The following TAS1R3 variants were observed in gnomAD, a reference collection of about 807,000 sequenced individuals.
TAS1R3 encodes taste 1 receptor member 3, also known as taste receptor type 1 member 3.
TAS1R3 carries 58 observed loss-of-function variants against 46.1 expected under a neutral mutation model. That is an observed-to-expected ratio of 1.26 (90% CI 1.02 to 1.57). The LOEUF is 1.57. Ranked by LOEUF, TAS1R3 falls within the 40% of genes most tolerant of loss-of-function variation. The pLI is 0.00. For synonymous variants in TAS1R3, 724 were observed against 544.7 expected, an observed-to-expected ratio of 1.33 and a Z score of -4.58; for missense variants, 1,422 against 1,185.8, an observed-to-expected ratio of 1.20 and a Z score of -2.93.
chr1:1,334,616 C>G lies in TAS1R3; in HGVS notation c.*152C>G. 1 of 873,500 alleles carries G rather than the reference C, an allele frequency of 1.1e-6. No homozygotes were observed. Among genetic ancestry groups the G allele is most frequent in the Non-Finnish European group, 1.7e-6 (1 of 588,654 alleles). 54.1% of individuals were successfully genotyped at this position (873,500 alleles called of 1,614,324 possible). A position where few individuals can be genotyped will look rare whatever the true frequency, so the allele number is the denominator to read the frequency against. ...CCCTGACCCCACAGTGAGCCCTAGG[C>G]CTGGAGCACGTGGACACCCCTGTGA... On this transcript the variant is annotated 3_prime_UTR_variant, in exon 6 of 6. Coordinates refer to ENST00000339381, the MANE Select transcript of TAS1R3 (RefSeq NM_152228.3).
Position 1,334,294 on chromosome 1 carries a change from G to A in TAS1R3, c.2389G>A (p.Ala797Thr), listed in dbSNP as rs147583678. 9.3e-6 allele frequency: 15 copies of A among 1,611,746 alleles called. No homozygotes were observed. The African/African-American group carries it at 1.1e-4, about 11-fold the overall frequency. The stretch of plus-strand genomic sequence containing the variant: ...CCTCAGGCCCGCCGTGCAGATGGGC[G>A]CCCTCCTGCTCTGTGTCCTGGGCAT... ...VVLRPAVQMG[A>T]LLLCVLGILA... Residue 797 changes from alanine to threonine, a missense_variant, in exon 6 of 6, where the codon GCC (alanine) becomes ACC (threonine). Coordinates refer to ENST00000339381, the MANE Select transcript of TAS1R3 (RefSeq NM_152228.3).
In TAS1R3 at chr1:1,334,634, C is replaced by A; in HGVS notation, c.*170C>A. On this transcript the variant is annotated 3_prime_UTR_variant, in exon 6 of 6. Transcript: ENST00000339381. ...CCCTAGGCCTGGAGCACGTGGACACCCCTGTGACCATCTGGGCCCCAGAGC... is the reference window on the plus strand; with the variant it reads ...CCCTAGGCCTGGAGCACGTGGACACACCTGTGACCATCTGGGCCCCAGAGC... 1.4e-6 allele frequency: 1 copy of A among 729,514 alleles called. No individual in the cohort carries two copies. The highest frequency in any genetic ancestry group is 2.2e-6 in the Non-Finnish European group (1 of 460,420). The allele number at this position is 729,514 out of a possible 1,614,324, so 45.2% of individuals were successfully genotyped here. A position where few individuals can be genotyped will look rare whatever the true frequency, so the allele number is the denominator to read the frequency against.
chr1:1,334,491 G>A lies in TAS1R3; in HGVS notation c.*27G>A. 8.1e-6 allele frequency: 12 copies of A among 1,488,156 alleles called. No individual in the cohort carries two copies. Among genetic ancestry groups the A allele is most frequent in the Non-Finnish European group, 1.1e-5 (12 of 1,118,586 alleles). 92.2% of individuals were successfully genotyped at this position (1,488,156 alleles called of 1,614,324 possible). A position where few individuals can be genotyped will look rare whatever the true frequency, so the allele number is the denominator to read the frequency against. ...CCAACCCTGTGATCTCAGCCCCGGT[G>A]AACCCAGACTTAGCTGCGATCCCCC... On this transcript the variant is annotated 3_prime_UTR_variant, in exon 6 of 6. Transcript: ENST00000339381.
Position 1,333,036 on chromosome 1 carries a change from C to T in TAS1R3, c.1391C>T (p.Ser464Leu), listed in dbSNP as rs758513155. The T allele has an allele frequency of 1.2e-6, 2 of 1,612,618 alleles. No homozygotes were observed. The highest frequency in any genetic ancestry group is 1.3e-5 in the African/African-American group (1 of 74,924). The change falls in exon 4 of 6, where the codon TCA (serine) becomes TTA (leucine). Residue 464 changes from serine to leucine, a missense_variant. Ser to Leu is a moderately radical substitution (Grantham distance 145). Transcript: ENST00000339381. The part of the protein sequence containing the change: ...YDLKLWVWQG[S>L]VPRLHDVGRF... ...CTGAAGCTGTGGGTGTGGCAGGGCTCAGTGCCCAGGCTCCACGACGTGGGC... is the reference window on the plus strand; with the variant it reads ...CTGAAGCTGTGGGTGTGGCAGGGCTTAGTGCCCAGGCTCCACGACGTGGGC...
chr1:1,333,576 C>T lies in TAS1R3; in HGVS notation c.1671C>T (p.Arg557=), dbSNP rs372739652. 10 of 1,606,708 alleles carry T rather than the reference C, an allele frequency of 6.2e-6. No individual in the cohort carries two copies. Among genetic ancestry groups the T allele is most frequent in the African/African-American group, 1.3e-5 (1 of 74,942 alleles). ...SPERSTRCFR[R]RSRFLAWGEP... ...AGCGAAGCACACGCTGCTTCCGCCGCAGGTCTCGGTTCCTGGCATGGGGCG... is the reference window on the plus strand; with the variant it reads ...AGCGAAGCACACGCTGCTTCCGCCGTAGGTCTCGGTTCCTGGCATGGGGCG... Residue 557 remains arginine, a synonymous_variant, in exon 6 of 6, where the codon CGC becomes CGT. Coordinates refer to ENST00000339381, the MANE Select transcript of TAS1R3 (RefSeq NM_152228.3).
At position 1,331,953 on chromosome 1, in the gene TAS1R3, C is replaced by T; in HGVS notation, c.492+15C>T. The T allele has an allele frequency of 1.3e-6, 2 of 1,589,404 alleles. No individual in the cohort carries two copies. The highest frequency in any genetic ancestry group is 1.1e-5 in the South Asian group (1 of 90,450). ...TCATGCCCCAGGTGGGCGCCCCCCA[C>T]CATCACCCACCCCCACCCAGCCCTG... On this transcript the variant is annotated intron_variant, in intron 2 of 5. Transcript: ENST00000339381.
In TAS1R3 at chr1:1,335,136, GCACGCCGCCAGGCCCA is replaced by G. The variant is rs1643528598; in HGVS notation, c.*676_*691del. 1 of 152,528 alleles carries G rather than the reference GCACGCCGCCAGGCCCA, an allele frequency of 6.6e-6. No individual in the cohort carries two copies. Among genetic ancestry groups the G allele is most frequent in the African/African-American group, 2.4e-5 (1 of 41,462 alleles). 9.4% of individuals were successfully genotyped at this position (152,528 alleles called of 1,614,324 possible). On this transcript the variant is annotated 3_prime_UTR_variant, in exon 6 of 6. Coordinates refer to ENST00000339381, the MANE Select transcript of TAS1R3 (RefSeq NM_152228.3). ...AACTGCCCACCAGGATCTGACGCCA[GCACGCCGCCAGGCCCA>G]CACAGGGTCTCCGGTCAGAGTCCCA...
chr1:1,333,995 C>T lies in TAS1R3; in HGVS notation c.2090C>T (p.Thr697Ile), dbSNP rs372490564. The change falls in exon 6 of 6, where the codon ACC (threonine) becomes ATC (isoleucine). Residue 697 changes from threonine to isoleucine, a missense_variant. Thr to Ile is a moderately conservative substitution (Grantham distance 89). Coordinates refer to ENST00000339381, the MANE Select transcript of TAS1R3 (RefSeq NM_152228.3). ...ATGCTGGTGGAGGTCGCACTGTGCA[C>T]CTGGTACCTGGTGGCCTTCCCGCCG... Reference protein sequence around the residue: ...LAMLVEVALCTWYLVAFPPEV... With the variant: ...LAMLVEVALCIWYLVAFPPEV... The T allele has an allele frequency of 1.3e-5, 20 of 1,599,954 alleles. No homozygotes were observed. In the African/African-American group the frequency reaches 2.3e-4, roughly 18 times the overall value.
Position 1,331,707 on chromosome 1 carries a change from G to A in TAS1R3, c.261G>A (p.Ser87=), listed in dbSNP as rs141206730. Residue 87 remains serine, a synonymous_variant, in exon 2 of 6, where the codon TCG becomes TCA. Transcript: ENST00000339381. ...KMAVEEINNK[S]DLLPGLRLGY... is the part of the protein sequence containing the mutation. ...CCGTGGAGGAGATCAACAACAAGTC[G>A]GATCTGCTGCCCGGGCTGCGCCTGG... 1.1e-5 allele frequency: 17 copies of A among 1,612,850 alleles called. No individual in the cohort carries two copies. The highest frequency in any genetic ancestry group is 4.5e-5 in the East Asian group (2 of 44,892).
rs113075977 is a variant in TAS1R3 at position 1,334,535 on chromosome 1, G to A, written c.*71G>A. The A allele has an allele frequency of 2.3e-4, 334 of 1,422,272 alleles. 3 individuals carry two copies. The African/African-American group carries it at 3.2e-3, about 13-fold the overall frequency. The allele number at this position is 1,422,272 out of a possible 1,614,324, so 88.1% of individuals were successfully genotyped here. Reference sequence around the variant, plus strand: ...ATCCCCCCCAAGCCAGCAATGACCCGTGTCTCGCTACAGAGACCCTCCCGC... The same window carrying A: ...ATCCCCCCCAAGCCAGCAATGACCCATGTCTCGCTACAGAGACCCTCCCGC... On this transcript the variant is annotated 3_prime_UTR_variant, in exon 6 of 6. Transcript: ENST00000339381.
Position 1,332,461 on chromosome 1 carries a change from G to C in TAS1R3, c.930G>C (p.Met310Ile), listed in dbSNP as rs563222467. The C allele has an allele frequency of 6.2e-7, 1 of 1,609,432 alleles. No individual in the cohort carries two copies. Among genetic ancestry groups the C allele is most frequent in the Non-Finnish European group, 8.5e-7 (1 of 1,179,620 alleles). Residue 310 changes from methionine (M) to isoleucine (I), a missense_variant, in exon 3 of 6, where the codon ATG becomes ATC. Met to Ile is a conservative substitution (Grantham distance 10). Transcript: ENST00000339381. ...CCTGGCTGACCTCTGACCTGGTCATGGGGCTGCCCGGCATGGCCCAGATGG... is the reference window on the plus strand; with the variant it reads ...CCTGGCTGACCTCTGACCTGGTCATCGGGCTGCCCGGCATGGCCCAGATGG... ...SEAWLTSDLV[M>I]GLPGMAQMGT...
chr1:1,334,421 G>C lies in TAS1R3; in HGVS notation c.2516G>C (p.Gly839Ala). 6.2e-7 allele frequency: 1 copy of C among 1,600,822 alleles called. No homozygotes were observed. The highest frequency in any genetic ancestry group is 8.5e-7 in the Non-Finnish European group (1 of 1,173,120). Residue 839 changes from glycine to alanine, a missense_variant, in exon 6 of 6, where the codon GGC becomes GCC. Transcript: ENST00000339381. ...FLGGGPGDAQGQNDGNTGNQG... is the reference protein window; with the variant it reads ...FLGGGPGDAQAQNDGNTGNQG... ...GGAGGGGGCCCTGGGGATGCCCAAG[G>C]CCAGAATGACGGGAACACAGGAAAT...
In TAS1R3 at chr1:1,334,484, C is replaced by T. The variant is rs1300871028; in HGVS notation, c.*20C>T. 2.7e-6 allele frequency: 4 copies of T among 1,493,954 alleles called. No homozygotes were observed. Among genetic ancestry groups the T allele is most frequent in the Non-Finnish European group, 3.6e-6 (4 of 1,121,332 alleles). 92.5% of individuals were successfully genotyped at this position (1,493,954 alleles called of 1,614,324 possible). ...GAGTGACCCAACCCTGTGATCTCAGCCCCGGTGAACCCAGACTTAGCTGCG... is the reference window on the plus strand; with the variant it reads ...GAGTGACCCAACCCTGTGATCTCAGTCCCGGTGAACCCAGACTTAGCTGCG... On this transcript the variant is annotated 3_prime_UTR_variant, in exon 6 of 6. Transcript: ENST00000339381.
Position 1,333,714 on chromosome 1 carries a change from G to T in TAS1R3, c.1809G>T (p.Gly603=). Residue 603 remains glycine, a synonymous_variant, in exon 6 of 6, where the codon GGG becomes GGT. Coordinates refer to ENST00000339381, the MANE Select transcript of TAS1R3 (RefSeq NM_152228.3). ...HRDSPLVQAS[G]GPLACFGLVC... is the part of the protein sequence containing the mutation. ...ACAGCCCACTGGTTCAGGCCTCGGG[G>T]GGGCCCCTGGCCTGCTTTGGCCTGG... 6.2e-7 allele frequency: 1 copy of T among 1,609,186 alleles called. No individual in the cohort carries two copies.
chr1:1,331,337 G>A lies in TAS1R3; in HGVS notation c.-9G>A, dbSNP rs760647096. The A allele has an allele frequency of 6.4e-7, 1 of 1,560,540 alleles. No homozygotes were observed. The highest frequency in any genetic ancestry group is 8.7e-7 in the Non-Finnish European group (1 of 1,154,976). ...CCACCTGCCGTGCCTGTTGGAAGTT[G>A]CCTCTGCCATGCTGGGCCCTGCTGT... is the stretch of plus-strand genomic sequence containing the variant. On this transcript the variant is annotated 5_prime_UTR_variant, in exon 1 of 6. Coordinates refer to ENST00000339381, the MANE Select transcript of TAS1R3 (RefSeq NM_152228.3).
rs760850245 is a variant in TAS1R3, at chr1:1,334,137, C to A, written c.2232C>A (p.Cys744Ter). ...HATNATLAFL[C>*]FLGTFLVRSQ... ...CCAATGCCACGCTGGCCTTTCTCTG[C>A]TTCCTGGGCACTTTCCTGGTGCGGA... Residue 744 changes from cysteine (C) to a stop codon, truncating the protein, a stop_gained, in exon 6 of 6, where the codon TGC (cysteine) becomes TGA (stop). Coordinates refer to ENST00000339381, the MANE Select transcript of TAS1R3 (RefSeq NM_152228.3). LOFTEE classifies it low-confidence loss of function (END_TRUNC). The A allele has an allele frequency of 1.3e-6, 2 of 1,581,884 alleles. No homozygotes were observed. The highest frequency in any genetic ancestry group is 3.6e-5 in the Admixed American group (2 of 55,104).
At position 1,332,991 on chromosome 1, in the gene TAS1R3, A is replaced by G. The variant is rs146208824; in HGVS notation, c.1346A>G (p.Asn449Ser). 132 of 1,612,626 alleles carry G rather than the reference A, an allele frequency of 8.2e-5. 1 individual carries two copies. Among genetic ancestry groups the G allele is most frequent in the Middle Eastern group, 4.9e-4 (3 of 6,084 alleles). ...GLPLRFDSSG[N>S]VDMEYDLKLW... The stretch of plus-strand genomic sequence containing the variant: ...CCGCTGCGGTTCGACAGCAGCGGAA[A>G]CGTGGACATGGAGTACGACCTGAAG... Residue 449 changes from asparagine to serine, a missense_variant, in exon 4 of 6, where the codon AAC becomes AGC. By Grantham distance (46) the Asn-to-Ser change is conservative. Transcript: ENST00000339381.
chr1:1,331,724 T>C lies in TAS1R3; in HGVS notation c.278T>C (p.Leu93Pro). 6.2e-7 allele frequency: 1 copy of C among 1,612,908 alleles called. No individual in the cohort carries two copies. The highest frequency in any genetic ancestry group is 8.5e-7 in the Non-Finnish European group (1 of 1,179,990). Residue 93 changes from leucine (L) to proline (P), a missense_variant, in exon 2 of 6, where the codon CTG becomes CCG. Physicochemically the swap from Leu to Pro is moderately conservative, Grantham distance 98. Coordinates refer to ENST00000339381, the MANE Select transcript of TAS1R3 (RefSeq NM_152228.3). ...AACAAGTCGGATCTGCTGCCCGGGC[T>C]GCGCCTGGGCTACGACCTCTTTGAT... is the stretch of plus-strand genomic sequence containing the variant. ...INNKSDLLPG[L>P]RLGYDLFDTC...
chr1:1,331,929 C>G lies in TAS1R3; in HGVS notation c.483C>G (p.Leu161=). The G allele has an allele frequency of 6.2e-7, 1 of 1,610,578 alleles. No homozygotes were observed. The highest frequency in any genetic ancestry group is 8.5e-7 in the Non-Finnish European group (1 of 1,178,850). The part of the protein sequence containing the change: ...MVTGKFFSFF[L]MPQVSYGASM... ...CCGGCAAGTTCTTCAGCTTCTTCCT[C>G]ATGCCCCAGGTGGGCGCCCCCCACC... The change falls in exon 2 of 6, where the codon CTC becomes CTG. Residue 161 remains leucine, a synonymous_variant. Coordinates refer to ENST00000339381, the MANE Select transcript of TAS1R3 (RefSeq NM_152228.3).
Sources: gnomAD v4.1 joint callset for allele counts on GRCh38, gnomAD v4.1.1 for gene constraint, MANE v1.5 for transcripts, NCBI Gene and HGNC (gene_info 2026-07-23, HGNC 2026-07-21) for gene names.